DAP: variants seen among roughly 807,000 people sequenced by gnomAD.
The protein encoded by DAP is death-associated protein 1.
A neutral mutation model predicts 13.8 loss-of-function variants in DAP; 8 were observed. That is an observed-to-expected ratio of 0.58 (90% confidence interval 0.34 to 1.05). The LOEUF (loss-of-function observed/expected upper bound fraction) is 1.05, where lower values mean the gene tolerates loss of function less well. DAP is among the 50% of genes least tolerant of loss of function. DAP has a pLI of 0.03. For missense variants in DAP, 106 were observed against 133.2 expected (o/e 0.80, Z 1.01); for synonymous variants, 47 against 47.5 (o/e 0.99, Z 0.04).
At chr5:10,698,098 G>A (rs920711524) in intron 2 of DAP, among the ~76,000 whole-genome samples, 1 of 151,928 alleles carries the variant, frequency 6.6e-6, no homozygotes, top group African/African-American at 2.4e-5. Flanking sequence ...ACACAGCAAG[G>A]GAGGGAGTTG....
intron 2 of DAP, among the ~76,000 whole-genome samples, chr5:10,689,140 GATGAT>G (rs1738233776): frequency 1.3e-5 from 2 of 151,804 alleles, no homozygotes; most frequent in Admixed American, 6.6e-5. Flanking sequence ...TGTGAACAGT[GATGAT>G]ATGAGATCAT....
At chr5:10,756,689 C>T (rs1215514679) in intron 1 of DAP, among the ~76,000 whole-genome samples, 1 of 152,172 alleles carries the variant, frequency 6.6e-6, no homozygotes, top group Non-Finnish European at 1.5e-5. Flanking sequence ...TTTGGCTCCA[C>T]TGGGAAATGG....
At chr5:10,699,411 G>A (rs1738512188) in intron 2 of DAP, among the ~76,000 whole-genome samples, 1 of 152,190 alleles carries the variant, frequency 6.6e-6, no homozygotes, top group African/African-American at 2.4e-5. Flanking sequence ...TGTATAGGAC[G>A]CTGGGTTAGG....
chr5:10,757,222 C>T (rs1162048911), intron 1 of DAP, among the ~76,000 whole-genome samples: 1 of 152,186 alleles, frequency 6.6e-6, no homozygotes, highest in Admixed American at 6.5e-5. Flanking sequence ...CCGGCCGCTC[C>T]CACTAGGTCA....
chr5:10,720,801 G>C (rs1237698189), intron 2 of DAP, among the ~76,000 whole-genome samples: 1 of 152,226 alleles, frequency 6.6e-6, no homozygotes, highest in East Asian at 1.9e-4. Context: ...CATCATGGAA[G>C]ATGGCATCAT....
chr5:10,693,394 A>G (rs906062896), intron 2 of DAP, among the ~76,000 whole-genome samples: 1 of 152,230 alleles, frequency 6.6e-6, no homozygotes, highest in African/African-American at 2.4e-5. Flanking sequence ...CATGGCCTTT[A>G]ATAAGCCACT....
intron 2 of DAP, among the ~76,000 whole-genome samples, chr5:10,729,144 A>C (rs573666531): frequency 6.6e-6 from 1 of 152,274 alleles, no homozygotes; most frequent in South Asian, 2.1e-4. Flanking sequence ...GGTTTCAAAA[A>C]TGTCAAAACA....
chr5:10,751,036 G>T (rs1297289784), intron 1 of DAP, among the ~76,000 whole-genome samples: 1 of 152,166 alleles, frequency 6.6e-6, no homozygotes, highest in Non-Finnish European at 1.5e-5. Context: ...TCCCCATGTG[G>T]AGCCCAGCCT....
At chr5:10,739,542 GGTTGGAAAGGGA>G (rs1175872877) in intron 2 of DAP, among the ~76,000 whole-genome samples, 1 of 152,018 alleles carries the variant, frequency 6.6e-6, no homozygotes, top group East Asian at 1.9e-4. Context: ...GGTCCATCTT[GGTTGGAAAGGGA>G]TGAGGGAACT....
intron 2 of DAP, among the ~76,000 whole-genome samples, chr5:10,712,725 G>C (rs893753049): frequency 1.3e-5 from 2 of 152,188 alleles, no homozygotes; most frequent in African/African-American, 4.8e-5. Flanking sequence ...GGGAAGCCCT[G>C]TGGGTCTACA....
Position 10,761,055 on chromosome 5 carries a change from G to A in DAP, c.14C>T (p.Pro5Leu). ...AGCTTTAGTCTCTAGTTTCCCTTCG[G>A]GAGGCGAAGACATGACGCGGCGGGG... MSSP[P>L]EGKLETKAGH... Residue 5 changes from proline (P) to leucine (L), a missense_variant, in exon 1 of 4, where the codon CCC becomes CTC. Physicochemically the swap from Pro to Leu is moderately conservative, Grantham distance 98. Transcript: ENST00000230895. 8.2e-7 allele frequency: 1 copy of A among 1,223,298 alleles called. No individual in the cohort carries two copies. The highest frequency in any genetic ancestry group is 3.4e-5 in the East Asian group (1 of 29,750). 75.8% of individuals were successfully genotyped at this position (1,223,298 alleles called of 1,614,324 possible).
At chr5:10,695,105 G>A (rs1007294569) in intron 2 of DAP, among the ~76,000 whole-genome samples, 2 of 152,214 alleles carry the variant, frequency 1.3e-5, no homozygotes, top group African/African-American at 4.8e-5. Flanking sequence ...AGCATGGCTG[G>A]TGAGCAGAGG....
chr5:10,728,414 C>A (rs939508043), intron 2 of DAP, among the ~76,000 whole-genome samples: 1 of 151,918 alleles, frequency 6.6e-6, no homozygotes, highest in Non-Finnish European at 1.5e-5. Flanking sequence ...TAGACTGAGC[C>A]CAAAGGATAG....
chr5:10,736,079 T>C (rs1197303204), intron 2 of DAP, among the ~76,000 whole-genome samples: 1 of 152,122 alleles, frequency 6.6e-6, no homozygotes, highest in Non-Finnish European at 1.5e-5. Flanking sequence ...AGGGAGAACG[T>C]CAGGCAAAGG....
chr5:10,740,314 T>C (rs1279296921), intron 2 of DAP, among the ~76,000 whole-genome samples: 1 of 152,152 alleles, frequency 6.6e-6, no homozygotes, highest in Non-Finnish European at 1.5e-5. Context: ...ATATCAAATG[T>C]TCACTATGGG....
At chr5:10,739,780 A>G (rs1235031748) in intron 2 of DAP, among the ~76,000 whole-genome samples, 1 of 105,838 alleles carries the variant, frequency 9.4e-6, no homozygotes, top group East Asian at 2.3e-4. Context: ...ATAAATACTA[A>G]ATTAACTCAC....
chr5:10,760,529 A>C (rs1740314310), intron 1 of DAP, among the ~76,000 whole-genome samples: 1 of 152,200 alleles, frequency 6.6e-6, no homozygotes, highest in African/African-American at 2.4e-5. Flanking sequence ...AGTCATATTG[A>C]GTGATTAATG....
intron 1 of DAP, among the ~76,000 whole-genome samples, chr5:10,749,858 C>T (rs958161177): frequency 5.9e-5 from 9 of 151,394 alleles, no homozygotes; most frequent in African/African-American, 1.9e-4. Flanking sequence ...AAGCCAGCCT[C>T]GCATGGTAGC....
chr5:10,704,740 T>C (rs1201882451), intron 2 of DAP, among the ~76,000 whole-genome samples: 2 of 152,156 alleles, frequency 1.3e-5, no homozygotes, highest in African/African-American at 4.8e-5. Flanking sequence ...TTGTGTGGCC[T>C]TTCACTGATT....
Sources: allele counts gnomAD v4.1 joint callset (sites outside exome capture counted in the v4.1 genomes callset), GRCh38; gene constraint gnomAD v4.1.1; transcripts MANE v1.5; gene names NCBI Gene and HGNC (gene_info 2026-07-23, HGNC 2026-07-21).